PCDH9: variants seen among roughly 807,000 people sequenced by gnomAD.
The protein encoded by PCDH9 is protocadherin 9.
Under a neutral mutation model 70.6 loss-of-function variants are expected in PCDH9, and 24 were observed. The ratio of observed to expected loss-of-function variants is 0.34; its 90% CI spans 0.25 to 0.48. The LOEUF (loss-of-function observed/expected upper bound fraction) is 0.48. Among genes scored for constraint, PCDH9 ranks in the 20% least tolerant of loss-of-function variants. The pLI is 0.99. For synonymous variants in PCDH9, 562 were observed against 558.5 expected, an observed-to-expected ratio of 1.01 and a Z score of -0.09; for missense variants, 1,281 against 1,503.6, an observed-to-expected ratio of 0.85 and a Z score of 2.45.
chr13:67,148,158 A>C (rs1312979620), intron 2 of PCDH9, among the ~76,000 whole-genome samples: 1 of 151,892 alleles, frequency 6.6e-6, no homozygotes, highest in Non-Finnish European at 1.5e-5. Context: ...AGTGGCTTTG[A>C]GAATTTATAA....
chr13:67,004,645 A>T (rs1033179490), intron 2 of PCDH9, among the ~76,000 whole-genome samples: 3 of 152,126 alleles, frequency 2.0e-5, no homozygotes, highest in African/African-American at 7.2e-5. Context: ...TGTTTTAAAA[A>T]TTTGGCAGTA....
intron 4 of PCDH9, among the ~76,000 whole-genome samples, chr13:66,445,792 AATAC>A (rs1457731029): frequency 7.0e-6 from 1 of 142,274 alleles, no homozygotes; most frequent in Non-Finnish European, 1.5e-5. Flanking sequence ...ACACATATAT[AATAC>A]ATACACATAT....
chr13:66,979,745 A>G (rs1334695477), intron 2 of PCDH9, among the ~76,000 whole-genome samples: 1 of 152,126 alleles, frequency 6.6e-6, no homozygotes, highest in Non-Finnish European at 1.5e-5. Flanking sequence ...TAAGACCACC[A>G]ATAACCTCTG....
intron 2 of PCDH9, chr13:67,218,402 A>T (rs1386996577): frequency 6.6e-6 from 1 of 152,140 alleles, no homozygotes; most frequent in Non-Finnish European, 1.5e-5. Flanking sequence ...ATATCAGCTC[A>T]ATGACAATTC....
At chr13:66,799,809 G>A (rs1217249556) in intron 3 of PCDH9, among the ~76,000 whole-genome samples, 1 of 152,134 alleles carries the variant, frequency 6.6e-6, no homozygotes. Flanking sequence ...TCCTTAAAAT[G>A]TGGGCTTTTG....
At chr13:66,386,720 T>C (rs925905300) in intron 4 of PCDH9, among the ~76,000 whole-genome samples, 2 of 152,100 alleles carry the variant, frequency 1.3e-5, no homozygotes, top group African/African-American at 2.4e-5. Context: ...ATTAACAAAA[T>C]TGGGTGCTCT....
intron 4 of PCDH9, among the ~76,000 whole-genome samples, chr13:66,400,815 G>A (rs1346341537): frequency 6.6e-6 from 1 of 152,100 alleles, no homozygotes; most frequent in Non-Finnish European, 1.5e-5. Flanking sequence ...ACTTGATAGT[G>A]TAATATCTAA....
intron 2 of PCDH9, among the ~76,000 whole-genome samples, chr13:66,991,293 T>A (rs1249530795): frequency 6.6e-6 from 1 of 152,060 alleles, no homozygotes; most frequent in Non-Finnish European, 1.5e-5. Context: ...ACATTTTTTT[T>A]TTCCATTGCA....
chr13:66,442,564 G>GATAT (rs547929416), intron 4 of PCDH9, among the ~76,000 whole-genome samples: 1 of 151,394 alleles, frequency 6.6e-6, no homozygotes, highest in East Asian at 1.9e-4. Flanking sequence ...AGATTAAGTT[G>GATAT]ATATATATAT....
chr13:66,644,381 T>C (rs1448047987), intron 3 of PCDH9, among the ~76,000 whole-genome samples: 1 of 151,916 alleles, frequency 6.6e-6, no homozygotes, highest in East Asian at 1.9e-4. Flanking sequence ...ACAGTGTATA[T>C]AAGAATTCTT....
intron 2 of PCDH9, among the ~76,000 whole-genome samples, chr13:67,004,307 G>A (rs1178760390): frequency 1.3e-5 from 2 of 150,528 alleles, no homozygotes; most frequent in Non-Finnish European, 3.0e-5. Flanking sequence ...GTGTTGGCTC[G>A]CACCTGTAAT....
intron 4 of PCDH9, among the ~76,000 whole-genome samples, chr13:66,559,833 T>TATAC (rs777316241): frequency 0.37 from 32,558 of 87,216 alleles, 7,101 homozygotes; most frequent in East Asian, 0.55. Flanking sequence ...TATATATATA[T>TATAC]ACACACACAC....
In PCDH9 at chr13:67,226,932, G is replaced by A. The variant is rs890067311; in HGVS notation, c.1509C>T (p.Asp503=). Reference sequence around the variant, plus strand: ...CATTCGGTCCAAGCTGATAAACAATGTCTGCATTTTTCCCACTGTCTTCAT... The same window carrying A: ...CATTCGGTCCAAGCTGATAAACAATATCTGCATTTTTCCCACTGTCTTCAT... The part of the protein sequence containing the change: ...ATDEDSGKNA[D]IVYQLGPNAS... Residue 503 remains aspartate (D), a synonymous_variant, in exon 2 of 5, where the codon GAC becomes GAT. Coordinates refer to ENST00000377865, the MANE Select transcript of PCDH9 (RefSeq NM_203487.3). The surrounding 1 kb of genome is among the most constrained non-coding windows in gnomAD (Gnocchi z 5.0). The A allele has an allele frequency of 1.9e-6, 3 of 1,614,044 alleles. No individual in the cohort carries two copies. The highest frequency in any genetic ancestry group is 3.3e-5 in the Admixed American group (2 of 59,996).
At chr13:66,342,694 C>A (rs1334146558) in intron 4 of PCDH9, among the ~76,000 whole-genome samples, 2 of 152,150 alleles carry the variant, frequency 1.3e-5, no homozygotes, top group Admixed American at 6.5e-5. Context: ...ACAACAACCT[C>A]CGCCTCCCAG....
intron 3 of PCDH9, among the ~76,000 whole-genome samples, chr13:66,897,733 T>C (rs2082206946): frequency 6.6e-6 from 1 of 152,158 alleles, no homozygotes; most frequent in Non-Finnish European, 1.5e-5. Flanking sequence ...AATTTACATA[T>C]GCTTATTTAG....
chr13:66,321,440 A>C (rs1955751556), intron 4 of PCDH9, among the ~76,000 whole-genome samples: 1 of 151,988 alleles, frequency 6.6e-6, no homozygotes, highest in Non-Finnish European at 1.5e-5. Flanking sequence ...ATGGATGATC[A>C]GTGTGATGCC....
chr13:66,870,264 T>A (rs2081652130), intron 3 of PCDH9, among the ~76,000 whole-genome samples: 1 of 152,150 alleles, frequency 6.6e-6, no homozygotes. Context: ...AGGGCTCTGT[T>A]CTGTTCCATT....
intron 4 of PCDH9, among the ~76,000 whole-genome samples, chr13:66,463,406 C>T (rs1027256809): frequency 6.6e-6 from 1 of 151,592 alleles, no homozygotes; most frequent in African/African-American, 2.4e-5. Flanking sequence ...TCCAATTGTG[C>T]TTTATCACAT....
chr13:66,481,928 A>G (rs1958845830), intron 4 of PCDH9, among the ~76,000 whole-genome samples: 1 of 143,652 alleles, frequency 7.0e-6, no homozygotes, highest in South Asian at 2.3e-4. Flanking sequence ...TCATAAGTCC[A>G]AATACACATG....
Sources: allele counts gnomAD v4.1 joint callset (sites outside exome capture counted in the v4.1 genomes callset), GRCh38; gene constraint gnomAD v4.1.1; non-coding constraint Gnocchi (gnomAD v3.1); transcripts MANE v1.5; gene names NCBI Gene and HGNC (gene_info 2026-07-23, HGNC 2026-07-21).